ALG12: variants seen among roughly 807,000 people sequenced by gnomAD.
The protein encoded by ALG12 is dol-P-Man:Man(7)GlcNAc(2)-PP-Dol alpha-1,6-mannosyltransferase.
Under a neutral mutation model 46.0 loss-of-function variants are expected in ALG12, and 36 were observed. That is an observed-to-expected ratio of 0.78 (90% confidence interval 0.60 to 1.03). The LOEUF (loss-of-function observed/expected upper bound fraction) is 1.03. Ranked by LOEUF, ALG12 falls within the 50% of genes least tolerant of loss-of-function variation. The pLI is 0.00. For synonymous variants in ALG12, 326 were observed against 291.6 expected, an observed-to-expected ratio of 1.12 and a Z score of -1.20; for missense variants, 599 against 633.5, an observed-to-expected ratio of 0.95 and a Z score of 0.58.
At chr22:49,875,940 T>C in the ALG12 span, among the ~76,000 whole-genome samples, 1 of 77,814 alleles carries the variant, frequency 1.3e-5, no homozygotes, top group Non-Finnish European at 4.1e-5. Flanking sequence ...CATTGATTTT[T>C]TTTCTTTTTT....
Position 49,910,532 on chromosome 22 carries a change from G to T in ALG12, c.371C>A (p.Ala124Asp). ...CCAGCAGAACATGGTGGCCACCATG[G>T]CCCCGAAGTGCCGTCTCACTTCCTT... The part of the protein sequence containing the change: ...LQKEVRRHFG[A>D]MVATMFCWVT... The change falls in exon 4 of 10, where the codon GCC (alanine) becomes GAC (aspartate). Residue 124 changes from alanine to aspartate, a missense_variant. Physicochemically the swap from Ala to Asp is moderately radical, Grantham distance 126. Transcript: ENST00000330817. The T allele has an allele frequency of 6.2e-7, 1 of 1,614,094 alleles. No homozygotes were observed. Among genetic ancestry groups the T allele is most frequent in the African/African-American group, 1.3e-5 (1 of 75,070 alleles).
chr22:49,876,462 A>G, the ALG12 span, among the ~76,000 whole-genome samples: 1 of 152,140 alleles, frequency 6.6e-6, no homozygotes, highest in African/African-American at 2.4e-5. Context: ...TTGCAGGTAT[A>G]TGCACCTTTG....
the ALG12 span, among the ~76,000 whole-genome samples, chr22:49,878,417 T>C: frequency 6.6e-6 from 1 of 151,246 alleles, no homozygotes; most frequent in Non-Finnish European, 1.5e-5. Flanking sequence ...GAAGAAGAGA[T>C]TGGTGGAGCG....
the ALG12 span, among the ~76,000 whole-genome samples, chr22:49,893,275 C>A: frequency 6.6e-6 from 1 of 152,144 alleles, no homozygotes; most frequent in Non-Finnish European, 1.5e-5. Flanking sequence ...TGAGGACTTT[C>A]CAGAACTGTT....
At position 49,907,827 on chromosome 22, in the gene ALG12, G is replaced by A. The variant is rs759399643; in HGVS notation, c.886C>T (p.Leu296=). The change falls in exon 7 of 10, where the codon CTG becomes TTG. Residue 296 remains leucine (L), a synonymous_variant. Transcript: ENST00000330817. ...AGGGAGTAGAGTGCCATGAAGCCCA[G>A]TGCCAGCACCGTCGGCGCGTGCGTC... ...RRTHAPTVLA[L]GFMALYSLLP... 6.2e-7 allele frequency: 1 copy of A among 1,614,130 alleles called. No individual in the cohort carries two copies. The highest frequency in any genetic ancestry group is 1.1e-5 in the South Asian group (1 of 91,082).
At position 49,913,875 on chromosome 22, in the gene ALG12, G is replaced by A. The variant is rs774723694; in HGVS notation, c.-78-32C>T. On this transcript the variant is annotated intron_variant, in intron 1 of 9. Transcript: ENST00000330817. ...AAGTGGAAACAGATTCCTGAGGTTC[G>A]AAAGTCACGCTTGCGCTCACGTTTG... 143 of 1,459,994 alleles carry A rather than the reference G, an allele frequency of 9.8e-5. 1 individual carries two copies. The highest frequency in any genetic ancestry group is 3.6e-4 in the South Asian group (31 of 87,060). 90.4% of individuals were successfully genotyped at this position (1,459,994 alleles called of 1,614,324 possible).
At chr22:49,872,507 C>T in the ALG12 span, among the ~76,000 whole-genome samples, 3 of 152,016 alleles carry the variant, frequency 2.0e-5, no homozygotes, top group Non-Finnish European at 2.9e-5. Flanking sequence ...GGTATTTTCC[C>T]GTCCCAGGAA....
chr22:49,892,044 T>C, the ALG12 span, among the ~76,000 whole-genome samples: 54,047 of 151,640 alleles, frequency 0.36, 13,812 homozygotes, highest in African/African-American at 0.73. Context: ...AAAAATTAGC[T>C]GGGTGTGGTG....
the ALG12 span, among the ~76,000 whole-genome samples, chr22:49,874,500 C>T: frequency 4.6e-5 from 7 of 151,250 alleles, no homozygotes; most frequent in Non-Finnish European, 7.4e-5. Context: ...ATTCTCCTGC[C>T]TCAGCGTCCC....
the ALG12 span, chr22:49,885,578 C>T: frequency 6.2e-7 from 1 of 1,603,560 alleles, no homozygotes; most frequent in Non-Finnish European, 8.5e-7. Context: ...TCAGGCGCTT[C>T]CTCTTTTGAT....
the ALG12 span, among the ~76,000 whole-genome samples, chr22:49,874,185 G>A: frequency 6.6e-6 from 1 of 152,168 alleles, no homozygotes; most frequent in Non-Finnish European, 1.5e-5. Context: ...ATGCCGAGGG[G>A]AAGCACTCAC....
chr22:49,876,858 C>T, the ALG12 span, among the ~76,000 whole-genome samples: 97 of 152,300 alleles, frequency 6.4e-4, 1 homozygote, highest in African/African-American at 2.2e-3. Flanking sequence ...TTGCTGAAAA[C>T]GTCAGATCCC....
the ALG12 span, among the ~76,000 whole-genome samples, chr22:49,882,349 C>T: frequency 3.9e-5 from 6 of 152,262 alleles, no homozygotes; most frequent in East Asian, 1.9e-4. Context: ...CCTGGGAAGT[C>T]GAGGCTTCAC....
At chr22:49,859,881 G>T in the ALG12 span, among the ~76,000 whole-genome samples, 2 of 151,882 alleles carry the variant, frequency 1.3e-5, no homozygotes, top group African/African-American at 4.8e-5. Flanking sequence ...ACAGAAATCA[G>T]CTGGGCATGA....
chr22:49,870,092 C>T, the ALG12 span, among the ~76,000 whole-genome samples: 1 of 152,174 alleles, frequency 6.6e-6, no homozygotes, highest in South Asian at 2.1e-4. Context: ...TTTTCTGTTC[C>T]TGTGTTTGTT....
At chr22:49,910,354 T>C in intron 4 of ALG12, 80 bp downstream of exon 4, 1 of 1,538,316 alleles carries the variant, frequency 6.5e-7, no homozygotes, top group East Asian at 2.4e-5. Context: ...GGGGAGGCAC[T>C]GCCATCAGCT....
At chr22:49,886,450 AT>A in the ALG12 span, 1 of 1,576,002 alleles carries the variant, frequency 6.3e-7, no homozygotes, top group East Asian at 2.3e-5. This position sits in a 1 kb window ranked among gnomAD's most constrained non-coding sequence, Gnocchi z 7.7. Flanking sequence ...GTGGGAGGTC[AT>A]GCAGTCCGTG....
the ALG12 span, among the ~76,000 whole-genome samples, chr22:49,861,054 G>A: frequency 6.6e-6 from 1 of 151,684 alleles, no homozygotes; most frequent in African/African-American, 2.4e-5. Context: ...GGGATAATGG[G>A]CATGAGCCAC....
Position 49,913,476 on chromosome 22 carries a change from G to A in ALG12, c.204C>T (p.Phe68=). 1 of 1,613,998 alleles carries A rather than the reference G, an allele frequency of 6.2e-7. No homozygotes were observed. The highest frequency in any genetic ancestry group is 8.5e-7 in the Non-Finnish European group (1 of 1,180,040). ...ACACTGCGATCACCACTGGCCCGAG[G>A]AACGTCCTGGGGACGACTCCGGGGA... ...LEFPGVVPRT[F]LGPVVIAVFS... is the part of the protein sequence containing the mutation. Residue 68 remains phenylalanine, a synonymous_variant, in exon 3 of 10, where the codon TTC becomes TTT. Transcript: ENST00000330817.
Sources: allele counts gnomAD v4.1 joint callset (sites outside exome capture counted in the v4.1 genomes callset), GRCh38; gene constraint gnomAD v4.1.1; non-coding constraint Gnocchi (gnomAD v3.1); transcripts MANE v1.5; gene names NCBI Gene and HGNC (gene_info 2026-07-23, HGNC 2026-07-21).